ARHGAP17: variants seen among roughly 807,000 people sequenced by gnomAD.
ARHGAP17 encodes rho GTPase-activating protein 17.
Under a neutral mutation model 99.5 loss-of-function variants are expected in ARHGAP17, and 57 were observed. The ratio of observed to expected loss-of-function variants is 0.57; its 90% CI spans 0.46 to 0.71. The LOEUF (loss-of-function observed/expected upper bound fraction) is 0.71, where lower values mean the gene tolerates loss of function less well. Ranked by LOEUF, ARHGAP17 falls within the 30% of genes least tolerant of loss-of-function variation. The pLI, the probability that ARHGAP17 is intolerant of heterozygous loss-of-function variation, is 0.00. For synonymous variants in ARHGAP17, 417 were observed against 429.6 expected (o/e 0.97, Z 0.36); for missense variants, 1,000 against 1,122.4 (o/e 0.89, Z 1.56).
At chr16:24,982,978 A>ATATATATATATATATATATATATATT (rs2052723706) in intron 1 of ARHGAP17, among the ~76,000 whole-genome samples, 1 of 20,446 alleles carries the variant, frequency 4.9e-5, no homozygotes. Flanking sequence ...ATATATATAT[A>ATATATATATATATATATATATATATT]TATATATATA....
intron 1 of ARHGAP17, among the ~76,000 whole-genome samples, chr16:25,003,597 G>A (rs991800780): frequency 6.6e-6 from 1 of 152,112 alleles, no homozygotes; most frequent in African/African-American, 2.4e-5. Context: ...GCCGAGGAGG[G>A]CTGATTGCTT....
chr16:24,984,786 T>C (rs990502828), intron 1 of ARHGAP17, among the ~76,000 whole-genome samples: 3 of 152,020 alleles, frequency 2.0e-5, no homozygotes, highest in African/African-American at 4.8e-5. Flanking sequence ...CATAGGTGTA[T>C]AGAACTGCCT....
intron 4 of ARHGAP17, among the ~76,000 whole-genome samples, chr16:24,970,045 T>C (rs1380151780): frequency 7.4e-6 from 1 of 135,034 alleles, no homozygotes; most frequent in Non-Finnish European, 1.7e-5. Context: ...AAAGAATACA[T>C]GACAATTGTA....
intron 18 of ARHGAP17, among the ~76,000 whole-genome samples, chr16:24,934,884 G>C (rs1273021592): frequency 6.6e-6 from 1 of 152,234 alleles, no homozygotes; most frequent in Non-Finnish European, 1.5e-5. Context: ...AGAGTGGAGT[G>C]TGTTGAGAGG....
chr16:24,990,664 AAC>A (rs937866712), intron 1 of ARHGAP17, among the ~76,000 whole-genome samples: 1 of 151,924 alleles, frequency 6.6e-6, no homozygotes, highest in African/African-American at 2.4e-5. Context: ...CCCCCACAAA[AAC>A]ACAAATACAC....
rs1421312196 is a variant in ARHGAP17 at position 24,941,648 on chromosome 16, A to G, written c.1490+339T>C. The stretch of plus-strand genomic sequence containing the variant: ...TCAATTCTGGACAAAAGTCCACACT[A>G]TTGAATTTATTTTCCTTTCTGTTTC... On this transcript the variant is annotated intron_variant, in intron 16 of 19. Coordinates refer to ENST00000289968, the MANE Select transcript of ARHGAP17 (RefSeq NM_001006634.3). 1.4e-4 allele frequency: 36 copies of G among 258,858 alleles called. 1 individual carries two copies. In the South Asian group the frequency reaches 1.6e-3, roughly 12 times the overall value. 16.0% of individuals were successfully genotyped at this position (258,858 alleles called of 1,614,324 possible). A position where few individuals can be genotyped will look rare whatever the true frequency, so the allele number is the denominator to read the frequency against.
Position 24,919,672 on chromosome 16 carries a change from C to G in ARHGAP17, c.*458G>C, listed in dbSNP as rs1392072904. On this transcript the variant is annotated 3_prime_UTR_variant, in exon 20 of 20. Coordinates refer to ENST00000289968, the MANE Select transcript of ARHGAP17 (RefSeq NM_001006634.3). ...TGCAGCAAGTCTGAAGGAGCGCAGC[C>G]TCCCTCCTAATACATAAGAATGAAC... is the stretch of plus-strand genomic sequence containing the variant. 6.5e-6 allele frequency: 1 copy of G among 153,274 alleles called. No individual in the cohort carries two copies. Among genetic ancestry groups the G allele is most frequent in the African/African-American group, 2.4e-5 (1 of 41,430 alleles). The allele number at this position is 153,274 out of a possible 1,614,324, so 9.5% of individuals were successfully genotyped here. A position where few individuals can be genotyped will look rare whatever the true frequency, so the allele number is the denominator to read the frequency against.
intron 14 of ARHGAP17, among the ~76,000 whole-genome samples, chr16:24,944,609 TTTTA>T (rs1240121584): frequency 6.6e-6 from 1 of 151,956 alleles, no homozygotes; most frequent in African/African-American, 2.4e-5. Flanking sequence ...GCCTTTTATT[TTTTA>T]TTTTTTTATT....
intron 19 of ARHGAP17, among the ~76,000 whole-genome samples, chr16:24,921,155 C>T (rs74015781): frequency 0.058 from 8,769 of 152,224 alleles, 729 homozygotes; most frequent in African/African-American, 0.19. Flanking sequence ...CTGCTGAGGA[C>T]GCAGCACTGA....
intron 1 of ARHGAP17, among the ~76,000 whole-genome samples, chr16:24,997,648 G>C (rs888053510): frequency 1.3e-5 from 2 of 152,184 alleles, no homozygotes; most frequent in Admixed American, 1.3e-4. Flanking sequence ...AGGGCACAGA[G>C]AGCCACTGCA....
At chr16:24,962,109 A>C (rs1240281629) in intron 7 of ARHGAP17, among the ~76,000 whole-genome samples, 2 of 151,902 alleles carry the variant, frequency 1.3e-5, no homozygotes, top group East Asian at 3.9e-4. Context: ...CTGGGAAAGC[A>C]ATAAAGTAAA....
chr16:24,959,589 CAG>C, intron 9 of ARHGAP17, 80 bp downstream of exon 9: 1 of 1,348,098 alleles, frequency 7.4e-7, no homozygotes, highest in Non-Finnish European at 1.0e-6. Flanking sequence ...GACGTGCATG[CAG>C]AGGAGTCAGG....
rs1043546443 is a variant in ARHGAP17 at position 24,919,965 on chromosome 16, C to T, written c.*165G>A. 1.1e-5 allele frequency: 11 copies of T among 974,180 alleles called. 1 individual carries two copies. The highest frequency in any genetic ancestry group is 1.0e-4 in the Admixed American group (4 of 38,396). The allele number at this position is 974,180 out of a possible 1,614,324, so 60.3% of individuals were successfully genotyped here. Reference sequence around the variant, plus strand: ...GGTCATTCAGCTTTAGTGGTGGCCTCCAGGTTCTCCTTGGGCCGTGCAGAA... The same window carrying T: ...GGTCATTCAGCTTTAGTGGTGGCCTTCAGGTTCTCCTTGGGCCGTGCAGAA... On this transcript the variant is annotated 3_prime_UTR_variant, in exon 20 of 20. Coordinates refer to ENST00000289968, the MANE Select transcript of ARHGAP17 (RefSeq NM_001006634.3).
At chr16:24,970,613 A>C in intron 3 of ARHGAP17, 33 bp from the exon 4 acceptor site, 33 of 1,552,770 alleles carry the variant, frequency 2.1e-5, no homozygotes, top group Non-Finnish European at 2.8e-5. Flanking sequence ...TGTTTTTCTC[A>C]TTATTTGATA....
chr16:24,958,998 G>A (rs1393238467), intron 9 of ARHGAP17, among the ~76,000 whole-genome samples: 1 of 150,640 alleles, frequency 6.6e-6, no homozygotes, highest in African/African-American at 2.5e-5. Flanking sequence ...AGCATCGAAA[G>A]CTTTAGGGAG....
chr16:24,929,680 A>T, intron 19 of ARHGAP17: 1 of 987,260 alleles, frequency 1.0e-6, no homozygotes, highest in South Asian at 4.7e-5. Flanking sequence ...AACAAAACAA[A>T]CAAACCAACA....
At chr16:24,966,419 G>A (rs951543118) in intron 6 of ARHGAP17, among the ~76,000 whole-genome samples, 2 of 152,174 alleles carry the variant, frequency 1.3e-5, no homozygotes, top group Admixed American at 6.5e-5. Flanking sequence ...AATCACCTGA[G>A]ATCAGGAGTT....
intron 1 of ARHGAP17, among the ~76,000 whole-genome samples, chr16:25,003,780 G>A (rs370583270): frequency 2.3e-4 from 35 of 151,556 alleles, no homozygotes; most frequent in African/African-American, 8.2e-4. Flanking sequence ...CTGAGACTGT[G>A]CTATTGCACT....
At chr16:25,002,549 C>T (rs1194087879) in intron 1 of ARHGAP17, among the ~76,000 whole-genome samples, 1 of 152,152 alleles carries the variant, frequency 6.6e-6, no homozygotes, top group Non-Finnish European at 1.5e-5. Flanking sequence ...CATCATTCCC[C>T]CCTAAAACTG....
Sources: gnomAD v4.1 joint callset for allele counts (sites outside exome capture counted in the v4.1 genomes callset) on GRCh38, gnomAD v4.1.1 for gene constraint, MANE v1.5 for transcripts, NCBI Gene and HGNC (gene_info 2026-07-23, HGNC 2026-07-21) for gene names.